DNAAF1: variants seen among roughly 807,000 people sequenced by gnomAD.
The protein encoded by DNAAF1 is dynein axonemal assembly factor 1, also known as dynein assembly factor 1, axonemal.
In DNAAF1, 65 loss-of-function variants were observed where a neutral mutation model predicts 71.1. The ratio of observed to expected loss-of-function variants is 0.91; its 90% confidence interval spans 0.75 to 1.12. DNAAF1 has a LOEUF of 1.12. Ranked by LOEUF, DNAAF1 falls within the 50% of genes most tolerant of loss-of-function variation. DNAAF1 has a pLI of 0.00. For missense variants in DNAAF1, 1,178 were observed against 899.8 expected, an observed-to-expected ratio of 1.31 and a Z score of -3.96; for synonymous variants, 414 against 354.6, an observed-to-expected ratio of 1.17 and a Z score of -1.88.
chr16:84,159,323 T>G (rs1174062051), intron 5 of DNAAF1: 18 of 916,382 alleles, frequency 2.0e-5, no homozygotes, highest in Non-Finnish European at 2.2e-5. Context: ...AACAATCAAT[T>G]AGGCAGAGAT....
At chr16:84,150,386 T>C in intron 3 of DNAAF1, 44 bp downstream of exon 3, 1 of 1,447,570 alleles carries the variant, frequency 6.9e-7, no homozygotes, top group Non-Finnish European at 9.7e-7. Flanking sequence ...GGTGGAAAGA[T>C]TCTGTCTAGC....
In DNAAF1 at chr16:84,160,568, T is replaced by C. The variant is rs184034412; in HGVS notation, c.863+772T>C. 1.3e-3 allele frequency among the ~76,000 whole-genome samples: 195 copies of C among 152,342 alleles called. 2 individuals carry two copies. The highest frequency in any genetic ancestry group is 4.4e-3 in the African/African-American group (181 of 41,586). On this transcript the variant is annotated intron_variant, in intron 6 of 11. Transcript: ENST00000378553. ...CAACATTTAAAATAAATGTAGCTTG[T>C]AATGTGTTTTTAAACTCACAAATTT...
chr16:84,173,751 G>A (rs1555526234), intron 9 of DNAAF1: 1 of 158,860 alleles, frequency 6.3e-6, no homozygotes, highest in Non-Finnish European at 1.3e-5. Flanking sequence ...CAGCTACTCG[G>A]GAGGCTGAGG....
chr16:84,172,241 A>G lies in DNAAF1; in HGVS notation c.1529-19A>G. 1 of 1,611,814 alleles carries G rather than the reference A, an allele frequency of 6.2e-7. No homozygotes were observed. ...TGCCGTGTGTTAAACTAACTCCAAGACTTGTTGTTGCTCTTTAGAACCGAC... is the reference window on the plus strand; with the variant it reads ...TGCCGTGTGTTAAACTAACTCCAAGGCTTGTTGTTGCTCTTTAGAACCGAC... On this transcript the variant is annotated intron_variant, in intron 8 of 11. Transcript: ENST00000378553.
chr16:84,177,530 T>G (rs780375957), intron 11 of DNAAF1, 199 bp from the exon 12 acceptor site: 1 of 550,820 alleles, frequency 1.8e-6, no homozygotes, highest in Admixed American at 2.5e-5. Flanking sequence ...GGTTTCACCA[T>G]GTTGACCAGG....
chr16:84,149,481 G>A (rs949544177), intron 2 of DNAAF1, among the ~76,000 whole-genome samples: 4 of 151,686 alleles, frequency 2.6e-5, no homozygotes, highest in Non-Finnish European at 5.9e-5. Context: ...CACAAGGTCA[G>A]GAGTTCGAGA....
chr16:84,175,891 G>C (rs1316650792), intron 10 of DNAAF1, 42 bp from the exon 11 acceptor site: 1 of 1,608,522 alleles, frequency 6.2e-7, no homozygotes, highest in Non-Finnish European at 8.5e-7. Flanking sequence ...CGATTCTGTT[G>C]TGAAAACAGA....
chr16:84,156,847 C>A (rs1355269635), intron 5 of DNAAF1, among the ~76,000 whole-genome samples: 1 of 130,484 alleles, frequency 7.7e-6, no homozygotes. Context: ...TTCTTTCTTT[C>A]TTTCTTTTTT....
intron 9 of DNAAF1, 169 bp from the exon 10 acceptor site, chr16:84,174,500 T>G: frequency 6.6e-7 from 1 of 1,513,482 alleles, no homozygotes; most frequent in Non-Finnish European, 8.9e-7. Flanking sequence ...GCTTGCTTTG[T>G]GTGTATCTAG....
chr16:84,169,186 G>A (rs547184136), intron 7 of DNAAF1, among the ~76,000 whole-genome samples: 1 of 142,594 alleles, frequency 7.0e-6, no homozygotes, highest in African/African-American at 2.6e-5. Context: ...CGCTTCTCCT[G>A]CCTCAGTCTC....
In DNAAF1 at chr16:84,174,682, TGGA is replaced by T. The variant is rs765209942; in HGVS notation, c.1659_1661del (p.Glu554del). 6 of 1,614,182 alleles carry T rather than the reference TGGA, an allele frequency of 3.7e-6. No individual in the cohort carries two copies. In the South Asian group the frequency reaches 5.5e-5, roughly 15 times the overall value. ...TTGCTCTTTCAGGACCTACCTGACT[TGGA>T]AGATGATGATGAAACAGGCAAATCT... On this transcript the variant is annotated inframe_deletion, in exon 10 of 12. Transcript: ENST00000378553.
intron 5 of DNAAF1, 75 bp from the exon 6 acceptor site, chr16:84,159,600 T>G: frequency 6.5e-7 from 1 of 1,536,466 alleles, no homozygotes. Flanking sequence ...TCATTTATTC[T>G]TAGTGCACAG....
At position 84,150,284 on chromosome 16, in the gene DNAAF1, G is replaced by C; in HGVS notation, c.294G>C (p.Lys98Asn). ...AAAGTTCCCTGCAAAAACTCTGCAA[G>C]CAGCACAAGCTTTATATTACCCCAG... is the stretch of plus-strand genomic sequence containing the variant. ...MTKSSLQKLCKQHKLYITPAL... is the reference protein window; with the variant it reads ...MTKSSLQKLCNQHKLYITPAL... The change falls in exon 3 of 12, where the codon AAG (lysine) becomes AAC (asparagine). Residue 98 changes from lysine to asparagine, a missense_variant. Coordinates refer to ENST00000378553, the MANE Select transcript of DNAAF1 (RefSeq NM_178452.6). 1 of 1,613,978 alleles carries C rather than the reference G, an allele frequency of 6.2e-7. No homozygotes were observed. Among genetic ancestry groups the C allele is most frequent in the Non-Finnish European group, 8.5e-7 (1 of 1,179,874 alleles).
At position 84,170,508 on chromosome 16, in the gene DNAAF1, A is replaced by G. The variant is rs2088274083; in HGVS notation, c.1528+152A>G. The G allele has an allele frequency of 3.1e-6, 4 of 1,294,564 alleles. No individual in the cohort carries two copies. The Admixed American group carries it at 8.0e-5, about 26-fold the overall frequency. 80.2% of individuals were successfully genotyped at this position (1,294,564 alleles called of 1,614,324 possible). Reference sequence around the variant, plus strand: ...ATGGACACTAGTTATCTTGTTTTCTAGAACAGGGCTGCCCAACAGAAATGG... The same window carrying G: ...ATGGACACTAGTTATCTTGTTTTCTGGAACAGGGCTGCCCAACAGAAATGG... On this transcript the variant is annotated intron_variant, in intron 8 of 11. Coordinates refer to ENST00000378553, the MANE Select transcript of DNAAF1 (RefSeq NM_178452.6).
Position 84,172,510 on chromosome 16 carries a change from G to A in DNAAF1, c.1644+135G>A, listed in dbSNP as rs1263465099. The A allele has an allele frequency of 5.7e-5, 86 of 1,501,686 alleles. 1 individual carries two copies. In the South Asian group the frequency reaches 6.4e-4, roughly 11 times the overall value. The allele number at this position is 1,501,686 out of a possible 1,614,324, so 93.0% of individuals were successfully genotyped here. On this transcript the variant is annotated intron_variant, in intron 9 of 11. Transcript: ENST00000378553. Reference sequence around the variant, plus strand: ...CCGGCAGGCCTGGCATTTCTGGGGCGCTGGTTAGAAATGCAGACTCCCAGG... The same window carrying A: ...CCGGCAGGCCTGGCATTTCTGGGGCACTGGTTAGAAATGCAGACTCCCAGG...
At chr16:84,157,189 G>T (rs1217472892) in intron 5 of DNAAF1, among the ~76,000 whole-genome samples, 1 of 151,948 alleles carries the variant, frequency 6.6e-6, no homozygotes, top group Non-Finnish European at 1.5e-5. Context: ...TATTTGACAT[G>T]ATTTAACTCT....
Position 84,149,123 on chromosome 16 carries a change from A to G in DNAAF1, c.241A>G (p.Arg81Gly). The change falls in exon 2 of 12, where the codon AGG becomes GGG. Residue 81 changes from arginine (R) to glycine (G), a missense_variant. Physicochemically the swap from Arg to Gly is moderately radical, Grantham distance 125 (BLOSUM62 -2). Coordinates refer to ENST00000378553, the MANE Select transcript of DNAAF1 (RefSeq NM_178452.6). ...GGHFAHPRED[R>G]EDRGPRMTKS... ...TCACTTCGCACACCCAAGAGAAGAC[A>G]GGGAAGATCGGGGCCCCAGGTATGT... 2 of 1,614,146 alleles carry G rather than the reference A, an allele frequency of 1.2e-6. No homozygotes were observed. The highest frequency in any genetic ancestry group is 1.7e-6 in the Non-Finnish European group (2 of 1,180,024).
Position 84,177,734 on chromosome 16 carries a change from A to G in DNAAF1, c.2071A>G (p.Thr691Ala). 6.2e-7 allele frequency: 1 copy of G among 1,613,612 alleles called. No homozygotes were observed. Residue 691 changes from threonine to alanine, a missense_variant, in exon 12 of 12, where the codon ACT becomes GCT. Coordinates refer to ENST00000378553, the MANE Select transcript of DNAAF1 (RefSeq NM_178452.6). ...GGTCACCCTTCCTTCCACAGTGCCGACTGAGAGCGCCGCCACACCCCCAGA... is the reference window on the plus strand; with the variant it reads ...GGTCACCCTTCCTTCCACAGTGCCGGCTGAGAGCGCCGCCACACCCCCAGA... ...DFLAASSPVPTESAATPPETC... is the reference protein window; with the variant it reads ...DFLAASSPVPAESAATPPETC...
At position 84,170,263 on chromosome 16, in the gene DNAAF1, G is replaced by A; in HGVS notation, c.1435G>A (p.Val479Met). 2 of 1,609,874 alleles carry A rather than the reference G, an allele frequency of 1.2e-6. No individual in the cohort carries two copies. The highest frequency in any genetic ancestry group is 2.2e-5 in the East Asian group (1 of 44,596). ...PAETLLLSPP[V>M]KVKGEDGDRE... ...TGAGACCCTGCTACTGTCACCGCCT[G>A]TGAAGGTTAAAGGAGAGGATGGAGA... Residue 479 changes from valine (V) to methionine (M), a missense_variant, in exon 8 of 12, where the codon GTG becomes ATG. Coordinates refer to ENST00000378553, the MANE Select transcript of DNAAF1 (RefSeq NM_178452.6).
Sources: gnomAD v4.1 joint callset for allele counts (sites outside exome capture counted in the v4.1 genomes callset) on GRCh38, gnomAD v4.1.1 for gene constraint, MANE v1.5 for transcripts, NCBI Gene and HGNC (gene_info 2026-07-23, HGNC 2026-07-21) for gene names.